The following KLF12 variants were observed in gnomAD, a reference collection of about 807,000 sequenced individuals.
KLF12 encodes the protein KLF transcription factor 12, also known as Krueppel-like factor 12.
KLF12 carries 9 observed loss-of-function variants against 37.8 expected under a neutral mutation model. The ratio of observed to expected loss-of-function variants is 0.24; its 90% CI spans 0.14 to 0.42. KLF12 has a LOEUF of 0.42. Ranked by LOEUF, KLF12 falls within the 10% of genes least tolerant of loss-of-function variation. The probability of loss-of-function intolerance (pLI) is 1.00; values close to 1 mark genes in which losing one functional copy is unlikely to be tolerated. For missense variants in KLF12, 411 were observed against 516.0 expected (o/e 0.80, Z 1.97); for synonymous variants, 208 against 202.1 (o/e 1.03, Z -0.25).
At chr13:74,277,000 G>A in the KLF12 span, among the ~76,000 whole-genome samples, 1 of 152,304 alleles carries the variant, frequency 6.6e-6, no homozygotes, top group Non-Finnish European at 1.5e-5. Flanking sequence ...CAGTGCCCTT[G>A]ATGGGCCTCT....
At chr13:73,787,116 T>C (rs1423852249) in intron 5 of KLF12, among the ~76,000 whole-genome samples, 1 of 152,218 alleles carries the variant, frequency 6.6e-6, no homozygotes, top group Admixed American at 6.5e-5. Context: ...CTTCTTTATA[T>C]GATGGTAAGT....
chr13:73,715,580 T>C (rs1411522967), intron 6 of KLF12, 55 bp from the exon 7 acceptor site: 1 of 1,569,402 alleles, frequency 6.4e-7, no homozygotes, highest in Non-Finnish European at 8.7e-7. Flanking sequence ...CCCATTTTGG[T>C]TCTGGTGGCA....
the KLF12 span, among the ~76,000 whole-genome samples, chr13:74,230,619 A>G: frequency 6.6e-6 from 1 of 152,288 alleles, no homozygotes; most frequent in South Asian, 2.1e-4. Flanking sequence ...CTGGTTTTGC[A>G]TGAAAGTGAG....
At position 73,929,918 on chromosome 13, in the gene KLF12, T is replaced by C. The variant is rs185874600; in HGVS notation, c.123+14063A>G. Among the ~76,000 whole-genome samples, 8 of 152,284 alleles carry C rather than the reference T, an allele frequency of 5.3e-5. No homozygotes were observed. The East Asian group carries it at 1.5e-3, about 29-fold the overall frequency. On this transcript the variant is annotated intron_variant, in intron 3 of 7. Transcript: ENST00000377669. ...AGATGAAAAAATAAAGATTCTATCT[T>C]GGGAGGACTGGAATCACAACACAAG... is the stretch of plus-strand genomic sequence containing the variant.
At chr13:73,793,088 A>G (rs1239723812) in intron 5 of KLF12, among the ~76,000 whole-genome samples, 3 of 152,208 alleles carry the variant, frequency 2.0e-5, no homozygotes, top group African/African-American at 7.2e-5. Flanking sequence ...CAACCTTTCT[A>G]CCCAATGGTA....
intron 1 of KLF12, among the ~76,000 whole-genome samples, chr13:74,099,708 T>G (rs956748874): frequency 2.6e-5 from 4 of 152,156 alleles, no homozygotes; most frequent in Non-Finnish European, 5.9e-5. Flanking sequence ...TTTCATAAAA[T>G]TCCTCACACA....
intron 6 of KLF12, among the ~76,000 whole-genome samples, chr13:73,756,373 A>G (rs1228929576): frequency 6.6e-6 from 1 of 152,232 alleles, no homozygotes; most frequent in Middle Eastern, 3.4e-3. Context: ...GTAGGGTTTT[A>G]GAGAAATGAA....
chr13:74,175,125 C>T, the KLF12 span, among the ~76,000 whole-genome samples: 1 of 152,158 alleles, frequency 6.6e-6, no homozygotes. Flanking sequence ...GCCCCTGCCA[C>T]AAAAATAAAT....
chr13:74,056,483 G>T (rs1873252284), intron 1 of KLF12, among the ~76,000 whole-genome samples: 1 of 152,222 alleles, frequency 6.6e-6, no homozygotes, highest in African/African-American at 2.4e-5. Flanking sequence ...ACGGCACTAG[G>T]TGTAAAATTA....
intron 4 of KLF12, among the ~76,000 whole-genome samples, chr13:73,831,567 A>T (rs1884159746): frequency 6.6e-6 from 1 of 152,210 alleles, no homozygotes; most frequent in Non-Finnish European, 1.5e-5. Context: ...GCTGTAATAA[A>T]GTATTCTCTC....
intron 1 of KLF12, among the ~76,000 whole-genome samples, chr13:74,032,664 A>G (rs573310602): frequency 1.2e-4 from 18 of 152,242 alleles, no homozygotes; most frequent in African/African-American, 2.6e-4. Flanking sequence ...GCCTCTCTCT[A>G]TATTTTCATC....
At chr13:74,073,623 T>C (rs1874402581) in intron 1 of KLF12, among the ~76,000 whole-genome samples, 1 of 152,122 alleles carries the variant, frequency 6.6e-6, no homozygotes, top group South Asian at 2.1e-4. Flanking sequence ...CCAAACAAAA[T>C]ATTTTTTAAA....
chr13:74,039,102 C>T (rs1041303062), intron 1 of KLF12, among the ~76,000 whole-genome samples: 7 of 143,484 alleles, frequency 4.9e-5, no homozygotes, highest in Non-Finnish European at 6.4e-5. Context: ...ATTTTATTTA[C>T]GCATTTTTTT....
intron 2 of KLF12, among the ~76,000 whole-genome samples, chr13:73,957,106 A>G (rs77277253): frequency 0.032 from 4,273 of 133,928 alleles, 131 homozygotes; most frequent in Admixed American, 0.049. Flanking sequence ...GAAAGGAAAG[A>G]AAGGAAAAGA....
In KLF12 at chr13:73,686,873, G is replaced by A. The variant is rs750416589; in HGVS notation, c.*8617C>T. 14 of 152,236 alleles carry A rather than the reference G, an allele frequency of 9.2e-5. No individual in the cohort carries two copies. Among genetic ancestry groups the A allele is most frequent in the Admixed American group, 4.6e-4 (7 of 15,276 alleles). The allele number at this position is 152,236 out of a possible 1,614,324, so 9.4% of individuals were successfully genotyped here. A position where few individuals can be genotyped will look rare whatever the true frequency, so the allele number is the denominator to read the frequency against. Reference sequence around the variant, plus strand: ...AATCACCACGTATAATGAGCTAAACGTCAAGGAAAAGAAAAAAGATGCCTG... The same window carrying A: ...AATCACCACGTATAATGAGCTAAACATCAAGGAAAAGAAAAAAGATGCCTG... On this transcript the variant is annotated 3_prime_UTR_variant, in exon 8 of 8. Transcript: ENST00000377669.
intron 2 of KLF12, among the ~76,000 whole-genome samples, chr13:73,961,604 A>G (rs879796944): frequency 4.6e-5 from 7 of 152,180 alleles, no homozygotes; most frequent in Non-Finnish European, 1.0e-4. Flanking sequence ...ACCAAGTCAC[A>G]GGGGGCTCCT....
At chr13:73,875,519 T>C (rs1886663504) in intron 3 of KLF12, among the ~76,000 whole-genome samples, 1 of 152,156 alleles carries the variant, frequency 6.6e-6, no homozygotes, top group African/African-American at 2.4e-5. Flanking sequence ...TTGTACATTG[T>C]GTGATACATT....
the KLF12 span, among the ~76,000 whole-genome samples, chr13:74,303,467 C>A: frequency 6.6e-6 from 1 of 151,982 alleles, no homozygotes; most frequent in African/African-American, 2.4e-5. Flanking sequence ...TAATAGTGAC[C>A]CCAGTGGGCC....
At chr13:73,763,742 CT>C (rs1335135378) in intron 6 of KLF12, among the ~76,000 whole-genome samples, 1 of 152,122 alleles carries the variant, frequency 6.6e-6, no homozygotes, top group Middle Eastern at 3.2e-3. Context: ...TGATTTGTCC[CT>C]TTCCTTTCAC....
Sources: gnomAD v4.1 joint callset for allele counts (sites outside exome capture counted in the v4.1 genomes callset) on GRCh38, gnomAD v4.1.1 for gene constraint, MANE v1.5 for transcripts, NCBI Gene and HGNC (gene_info 2026-07-23, HGNC 2026-07-21) for gene names.